TAB2: variants seen among roughly 807,000 people sequenced by gnomAD.
TAB2 encodes TGF-beta activated kinase 1 (MAP3K7) binding protein 2, also known as TGF-beta-activated kinase 1 and MAP3K7-binding protein 2.
Under a neutral mutation model 65.0 loss-of-function variants are expected in TAB2, and 3 were observed. The observed-to-expected ratio is 0.05, with a 90% CI of 0.02 to 0.12. TAB2 has a LOEUF of 0.12. TAB2 is among the 10% of genes least tolerant of loss of function. The pLI is 1.00. For synonymous variants in TAB2, 298 were observed against 285.1 expected (o/e 1.05, Z -0.46); for missense variants, 623 against 840.3 (o/e 0.74, Z 3.20).
chr6:149,323,131 T>G (rs1210298418), intron 1 of TAB2, among the ~76,000 whole-genome samples: 1 of 152,158 alleles, frequency 6.6e-6, no homozygotes, highest in Non-Finnish European at 1.5e-5. Context: ...GCTCTTTTTG[T>G]AGTAAACTCC....
At chr6:149,387,172 ACT>A (rs1781833393) in intron 3 of TAB2, among the ~76,000 whole-genome samples, 1 of 151,996 alleles carries the variant, frequency 6.6e-6, no homozygotes, top group African/African-American at 2.4e-5. Flanking sequence ...ACAGTTTCTA[ACT>A]CTGAGGTGAG....
chr6:149,227,282 A>G (rs1777300896), intron 1 of TAB2, among the ~76,000 whole-genome samples: 1 of 152,134 alleles, frequency 6.6e-6, no homozygotes, highest in African/African-American at 2.4e-5. Context: ...TTTAATTACA[A>G]TCTTCTCTTT....
At chr6:149,408,934 T>C (rs941973980) in intron 6 of TAB2, among the ~76,000 whole-genome samples, 7 of 152,208 alleles carry the variant, frequency 4.6e-5, no homozygotes, top group African/African-American at 1.7e-4. Context: ...TAGCAGAGCC[T>C]GGAACAGAAC....
rs748337139 is a variant in TAB2 at position 149,379,483 on chromosome 6, T to C, written c.1568T>C (p.Leu523Pro). 1 of 1,614,122 alleles carries C rather than the reference T, an allele frequency of 6.2e-7. No homozygotes were observed. The highest frequency in any genetic ancestry group is 2.2e-5 in the East Asian group (1 of 44,884). Residue 523 changes from leucine to proline, a missense_variant, in exon 3 of 7, where the codon CTG becomes CCG. This residue lies in a region of TAB2 where 550 missense variants were observed against 665.7 expected (regional missense o/e 0.83). Coordinates refer to ENST00000637181, the MANE Select transcript of TAB2 (RefSeq NM_001292034.3). ...GATAGAATAAGTGAAACACGGAAAC[T>C]GAGTATGGGATCTGATGATGCTGCC... The part of the protein sequence containing the change: ...HVDRISETRK[L>P]SMGSDDAAYT...
rs1037342625 is a variant in TAB2 at position 149,253,596 on chromosome 6, G to A, written c.-121+34820G>A. Among the ~76,000 whole-genome samples the A allele has an allele frequency of 2.2e-5, 3 of 135,364 alleles. No individual in the cohort carries two copies. The Admixed American group carries it at 2.5e-4, about 11-fold the overall frequency. 88.8% of individuals were successfully genotyped at this position (135,364 alleles called of 152,430 possible). On this transcript the variant is annotated intron_variant, in intron 1 of 1. Transcript: ENST00000606202. ...GATCGCACCACTGCACTCCAGCCTG[G>A]GTGACAGAGCAAGACTGTCTCAAAA...
At chr6:149,370,163 A>G in intron 2 of TAB2, 64 bp downstream of exon 2, 1 of 1,369,450 alleles carries the variant, frequency 7.3e-7, no homozygotes, top group Non-Finnish European at 1.0e-6. Flanking sequence ...ACATTGGAAG[A>G]AAAACTCTTT....
intron 1 of TAB2, among the ~76,000 whole-genome samples, chr6:149,325,891 C>G (rs1779601798): frequency 6.6e-6 from 1 of 152,126 alleles, no homozygotes; most frequent in South Asian, 2.1e-4. Flanking sequence ...AGATGCGTAC[C>G]ACAACGCTCA....
intron 1 of TAB2, among the ~76,000 whole-genome samples, chr6:149,239,523 G>A (rs1777558559): frequency 6.6e-6 from 1 of 152,228 alleles, no homozygotes; most frequent in South Asian, 2.1e-4. Context: ...CACAAGAAAA[G>A]CATATGTAAA....
chr6:149,285,696 A>G (rs1432862050), intron 1 of TAB2, among the ~76,000 whole-genome samples: 1 of 152,190 alleles, frequency 6.6e-6, no homozygotes, highest in Non-Finnish European at 1.5e-5. Flanking sequence ...TCTATACCTC[A>G]ACCTGGTTGC....
chr6:149,257,675 T>A (rs1214615708), intron 1 of TAB2: 1 of 152,142 alleles, frequency 6.6e-6, no homozygotes, highest in Non-Finnish European at 1.5e-5. Context: ...TTGTCAATAA[T>A]GCAGATCCTT....
intron 3 of TAB2, among the ~76,000 whole-genome samples, chr6:149,394,980 C>G (rs1258698476): frequency 6.6e-6 from 1 of 152,240 alleles, no homozygotes; most frequent in Non-Finnish European, 1.5e-5. Context: ...TCCAATAAAA[C>G]TTTAATGACG....
At chr6:149,250,118 A>C (rs1247272504) in intron 1 of TAB2, among the ~76,000 whole-genome samples, 2 of 152,138 alleles carry the variant, frequency 1.3e-5, no homozygotes. Flanking sequence ...TGGCTACAGT[A>C]TGGGAGGTAG....
chr6:149,392,475 C>T (rs1405392442), intron 3 of TAB2, among the ~76,000 whole-genome samples: 4 of 152,154 alleles, frequency 2.6e-5, no homozygotes, highest in South Asian at 4.1e-4. Context: ...GTTGACTGTT[C>T]GATATACAGA....
At chr6:149,403,247 A>AAT (rs71010865) in intron 6 of TAB2, among the ~76,000 whole-genome samples, 2,547 of 43,834 alleles carry the variant, frequency 0.058, 49 homozygotes, top group Non-Finnish European at 0.077. Flanking sequence ...AAAAAAAAAA[A>AAT]ATATATATAT....
At chr6:149,283,265 C>T (rs1375621249) in intron 1 of TAB2, among the ~76,000 whole-genome samples, 4 of 152,022 alleles carry the variant, frequency 2.6e-5, no homozygotes, top group Non-Finnish European at 4.4e-5. Flanking sequence ...ATAGAGGAGC[C>T]AGAAAAGGAA....
chr6:149,231,999 C>T (rs1368599334), intron 1 of TAB2, among the ~76,000 whole-genome samples: 2 of 152,136 alleles, frequency 1.3e-5, no homozygotes, highest in Admixed American at 1.3e-4. Flanking sequence ...CTTGGGAAAA[C>T]ATGCTTAACA....
chr6:149,377,974 C>G, intron 2 of TAB2, 44 bp from the exon 3 acceptor site: 2 of 1,481,460 alleles, frequency 1.4e-6, no homozygotes, highest in Non-Finnish European at 1.9e-6. Flanking sequence ...TATAAGCATT[C>G]GCTTCTGATT....
rs34590971 is a variant in TAB2 at position 149,398,978 on chromosome 6, G to C, written c.1859-126G>C. The C allele has an allele frequency of 3.3e-3, 2,637 of 795,590 alleles. 55 individuals are homozygous for C. The African/African-American group carries it at 0.041, about 13-fold the overall frequency. 49.3% of individuals were successfully genotyped at this position (795,590 alleles called of 1,614,324 possible). On this transcript the variant is annotated intron_variant, in intron 5 of 6. Coordinates refer to ENST00000637181, the MANE Select transcript of TAB2 (RefSeq NM_001292034.3). ...AAATCTTACATATAATTCGAGGTTA[G>C]AGGGGCAAAATAAATGAAAAGCATT...
chr6:149,288,970 G>A (rs1778726543), intron 1 of TAB2, among the ~76,000 whole-genome samples: 1 of 148,368 alleles, frequency 6.7e-6, no homozygotes, highest in Non-Finnish European at 1.5e-5. Context: ...CAATTCTCAT[G>A]CCTCCACCTC....
Sources: allele counts gnomAD v4.1 joint callset (sites outside exome capture counted in the v4.1 genomes callset), GRCh38; gene constraint gnomAD v4.1.1; regional missense constraint gnomAD v4.1.1; transcripts MANE v1.5; gene names NCBI Gene and HGNC (gene_info 2026-07-23, HGNC 2026-07-21).